Variants in ARL6IP1 observed in about 807,000 individuals in gnomAD.
ARL6IP1 encodes the protein ARL6 interacting reticulophagy regulator 1, also known as ADP-ribosylation factor-like protein 6-interacting protein 1.
A neutral mutation model predicts 30.1 loss-of-function variants in ARL6IP1; 16 were observed. That is an observed-to-expected ratio of 0.53 (90% CI 0.36 to 0.81). The LOEUF (loss-of-function observed/expected upper bound fraction) is 0.81, where lower values mean the gene tolerates loss of function less well. Ranked by LOEUF, ARL6IP1 falls within the 30% of genes least tolerant of loss-of-function variation. The probability of loss-of-function intolerance (pLI) is 0.01; values close to 1 mark genes in which losing one functional copy is unlikely to be tolerated. For missense variants in ARL6IP1, 173 were observed against 242.7 expected, an observed-to-expected ratio of 0.71 and a Z score of 1.91; for synonymous variants, 72 against 84.8, an observed-to-expected ratio of 0.85 and a Z score of 0.83.
Position 18,795,585 on chromosome 16 carries a change from G to T in ARL6IP1, c.291-4C>A. On this transcript the variant is annotated splice_polypyrimidine_tract_variant and splice_region_variant and intron_variant, in intron 3 of 5. Coordinates refer to ENST00000304414, the MANE Select transcript of ARL6IP1 (RefSeq NM_015161.3). ...TCTTTGCTGTTGTTCAGTGGTCCTA[G>T]AAAAGAAATTTGCCTTTTGCTATAA... 1 of 1,609,388 alleles carries T rather than the reference G, an allele frequency of 6.2e-7. No individual in the cohort carries two copies.
intron 5 of ARL6IP1, among the ~76,000 whole-genome samples, chr16:18,793,585 C>T (rs1300569598): frequency 6.6e-6 from 1 of 151,090 alleles, no homozygotes; most frequent in Admixed American, 6.6e-5. Flanking sequence ...GCATGCGCCA[C>T]TACGCCTGAC....
chr16:18,796,048 C>G (rs2030220967), intron 3 of ARL6IP1, among the ~76,000 whole-genome samples: 1 of 152,170 alleles, frequency 6.6e-6, no homozygotes, highest in Admixed American at 6.5e-5. Flanking sequence ...CATAACACCC[C>G]CAACTGGGCT....
chr16:18,793,431 CTT>C (rs34143424), intron 5 of ARL6IP1, 61 bp from the exon 6 acceptor site: 40,134 of 596,502 alleles, frequency 0.067, no homozygotes, highest in South Asian at 0.084. Flanking sequence ...AAGGTTATTA[CTT>C]TTTTTTTTTT....
chr16:18,797,396 AAAAG>A (rs2030273613), intron 3 of ARL6IP1, among the ~76,000 whole-genome samples: 1 of 151,824 alleles, frequency 6.6e-6, no homozygotes, highest in Non-Finnish European at 1.5e-5. Flanking sequence ...AAAAAAAAAA[AAAAG>A]AGAATGGTAT....
chr16:18,798,474 C>T, intron 2 of ARL6IP1: 1 of 464,980 alleles, frequency 2.2e-6, no homozygotes, highest in African/African-American at 2.0e-5. Flanking sequence ...GTCTGGAGGA[C>T]AAAAAGTTTG....
At chr16:18,795,717 GA>G in intron 3 of ARL6IP1, 136 bp from the exon 4 acceptor site, 1 of 618,210 alleles carries the variant, frequency 1.6e-6, no homozygotes, top group Non-Finnish European at 2.8e-6. Flanking sequence ...TTATGTAGGT[GA>G]AAAAATCCTT....
At chr16:18,793,441 T>C in intron 5 of ARL6IP1, 71 bp from the exon 6 acceptor site, 1 of 959,168 alleles carries the variant, frequency 1.0e-6, no homozygotes, top group Admixed American at 2.7e-5. Flanking sequence ...CTTTTTTTTT[T>C]TTTTTTTGAG....
Position 18,793,378 on chromosome 16 carries a change from T to TAAAAA in ARL6IP1, c.494-13_494-9dup, listed in dbSNP as rs748985230. 1 of 1,481,648 alleles carries TAAAAA rather than the reference T, an allele frequency of 6.7e-7. No homozygotes were observed. Among genetic ancestry groups the TAAAAA allele is most frequent in the Non-Finnish European group, 9.2e-7 (1 of 1,092,778 alleles). 91.8% of individuals were successfully genotyped at this position (1,481,648 alleles called of 1,614,324 possible). ...GCAATAGTAAGGAAGTCACTTAAAA[T>TAAAAA]AAAAAAAAACCCAACATTAAGGAGG... On this transcript the variant is annotated splice_polypyrimidine_tract_variant and intron_variant, in intron 5 of 5. Coordinates refer to ENST00000304414, the MANE Select transcript of ARL6IP1 (RefSeq NM_015161.3).
At chr16:18,799,563 G>A (rs140033058) in intron 1 of ARL6IP1, among the ~76,000 whole-genome samples, 1 of 152,268 alleles carries the variant, frequency 6.6e-6, no homozygotes, top group African/African-American at 2.4e-5. Flanking sequence ...TTGATCCGTT[G>A]TTTTTGTCAT....
intron 3 of ARL6IP1, among the ~76,000 whole-genome samples, chr16:18,796,210 TG>T (rs755632342): frequency 9.2e-5 from 14 of 152,342 alleles, no homozygotes; most frequent in Non-Finnish European, 1.5e-4. Flanking sequence ...ATATTTATAA[TG>T]TTTTTCTTGG....
chr16:18,798,090 T>C, intron 2 of ARL6IP1, 46 bp from the exon 3 acceptor site: 1 of 1,519,082 alleles, frequency 6.6e-7, no homozygotes, highest in Non-Finnish European at 8.9e-7. Context: ...GTCATTATTA[T>C]TCCTAACTAA....
At chr16:18,793,729 C>A (rs142373583) in intron 5 of ARL6IP1, among the ~76,000 whole-genome samples, 1 of 148,238 alleles carries the variant, frequency 6.7e-6, no homozygotes. Context: ...CCACACCCAG[C>A]GACAAGTCTC....
Position 18,798,026 on chromosome 16 carries a change from A to C in ARL6IP1, c.189T>G (p.Asp63Glu), listed in dbSNP as rs1220769409. 6 of 1,608,944 alleles carry C rather than the reference A, an allele frequency of 3.7e-6. No homozygotes were observed. Among genetic ancestry groups the C allele is most frequent in the Non-Finnish European group, 5.1e-6 (6 of 1,178,184 alleles). The change falls in exon 3 of 6, where the codon GAT becomes GAG. Residue 63 changes from aspartate to glutamate, a missense_variant. Asp to Glu is a conservative substitution (Grantham distance 45). Transcript: ENST00000304414. The stretch of plus-strand genomic sequence containing the variant: ...AGGAAACGCCGGACAGAACAGATGG[A>C]TCTAGATAGTAGATAATCCTGTTAA... ...SLVFLIIYYLDPSVLSGVSCF... is the reference protein window; with the variant it reads ...SLVFLIIYYLEPSVLSGVSCF...
intron 4 of ARL6IP1, among the ~76,000 whole-genome samples, chr16:18,794,896 G>C (rs1228622969): frequency 2.0e-5 from 3 of 152,036 alleles, no homozygotes; most frequent in African/African-American, 7.3e-5. Flanking sequence ...TAGAATTACT[G>C]CAATTCTGTA....
At chr16:18,793,566 G>A (rs955890225) in intron 5 of ARL6IP1, among the ~76,000 whole-genome samples, 196 bp from the exon 6 acceptor site, 5 of 148,740 alleles carry the variant, frequency 3.4e-5, no homozygotes, top group Non-Finnish European at 5.9e-5. Context: ...CAAGTAGCTG[G>A]GATTACAGGC....
At position 18,794,593 on chromosome 16, in the gene ARL6IP1, A is replaced by T; in HGVS notation, c.493+6T>A. ...ATGTGCCTGTAGTTTTTCCTCAAAGACTTACCTATCAGGTAGGTGAGAAGC... is the reference window on the plus strand; with the variant it reads ...ATGTGCCTGTAGTTTTTCCTCAAAGTCTTACCTATCAGGTAGGTGAGAAGC... On this transcript the variant is annotated splice_donor_region_variant and intron_variant, in intron 5 of 5. Coordinates refer to ENST00000304414, the MANE Select transcript of ARL6IP1 (RefSeq NM_015161.3). 1 of 1,609,546 alleles carries T rather than the reference A, an allele frequency of 6.2e-7. No homozygotes were observed.
chr16:18,799,214 G>A (rs1470783556), intron 1 of ARL6IP1, among the ~76,000 whole-genome samples: 3 of 152,146 alleles, frequency 2.0e-5, no homozygotes, highest in Non-Finnish European at 4.4e-5. Context: ...GTTTCACCAT[G>A]TTGGCCAGGC....
intron 1 of ARL6IP1, among the ~76,000 whole-genome samples, chr16:18,800,796 G>A (rs2030383447): frequency 6.6e-6 from 1 of 152,096 alleles, no homozygotes; most frequent in Non-Finnish European, 1.5e-5. Context: ...CAGTTCCTTC[G>A]GATCCCTGCT....
chr16:18,797,471 A>T (rs2030277663), intron 3 of ARL6IP1, among the ~76,000 whole-genome samples: 1 of 152,046 alleles, frequency 6.6e-6, no homozygotes, highest in African/African-American at 2.4e-5. Flanking sequence ...CTTGGTATTC[A>T]CTTTGTTAAC....
Sources: allele counts gnomAD v4.1 joint callset (sites outside exome capture counted in the v4.1 genomes callset), GRCh38; gene constraint gnomAD v4.1.1; transcripts MANE v1.5; gene names NCBI Gene and HGNC (gene_info 2026-07-23, HGNC 2026-07-21).